ADGRV1: variants seen among roughly 807,000 people sequenced by gnomAD.
ADGRV1 encodes G-protein coupled receptor 98.
Under a neutral mutation model 596.2 loss-of-function variants are expected in ADGRV1, and 359 were observed. The observed-to-expected ratio is 0.60, with a 90% confidence interval of 0.55 to 0.66. The LOEUF is 0.66. ADGRV1 is among the 30% of genes least tolerant of loss of function. The pLI, the probability that ADGRV1 is intolerant of heterozygous loss-of-function variation, is 0.00. For missense variants in ADGRV1, 7,274 were observed against 7,575.6 expected (o/e 0.96, Z 1.48); for synonymous variants, 2,681 against 2,679.2 (o/e 1.00, Z -0.02).
intron 88 of ADGRV1, among the ~76,000 whole-genome samples, chr5:91,152,641 G>GTTTTA (rs925698142): frequency 6.6e-6 from 1 of 152,080 alleles, no homozygotes; most frequent in African/African-American, 2.4e-5. Flanking sequence ...AATTAAAGTT[G>GTTTTA]TTTTATTTTG....
At chr5:91,056,155 G>A (rs1454733400) in intron 85 of ADGRV1, among the ~76,000 whole-genome samples, 1 of 152,158 alleles carries the variant, frequency 6.6e-6, no homozygotes, top group East Asian at 1.9e-4. Context: ...ACGTGTGGTT[G>A]GGCATTGTTG....
At chr5:91,077,304 C>T (rs186255286) in intron 86 of ADGRV1, among the ~76,000 whole-genome samples, 2 of 152,278 alleles carry the variant, frequency 1.3e-5, no homozygotes, top group East Asian at 3.9e-4. Flanking sequence ...GGCTCAAAAT[C>T]TTCCATGATT....
At chr5:91,116,045 T>G in intron 87 of ADGRV1, among the ~76,000 whole-genome samples, 1 of 152,290 alleles carries the variant, frequency 6.6e-6, no homozygotes, top group East Asian at 1.9e-4. Context: ...GAAACAGATC[T>G]GCCTTCTCAG....
rs72782773 is a variant in ADGRV1 at position 90,755,751 on chromosome 5, T to C, written c.11580+566T>C. 6.5e-3 allele frequency among the ~76,000 whole-genome samples: 970 copies of C among 150,168 alleles called. 1 individual carries two copies. The highest frequency in any genetic ancestry group is 0.025 in the Middle Eastern group (7 of 280). On this transcript the variant is annotated intron_variant, in intron 55 of 89. Transcript: ENST00000405460. ...AAGAAATTTTAATAGTGGATTAGTG[T>C]TAATAATATTATAAAATAATAACAA...
chr5:91,019,839 C>T (rs770493248), intron 85 of ADGRV1, among the ~76,000 whole-genome samples: 36 of 151,950 alleles, frequency 2.4e-4, no homozygotes, highest in Admixed American at 1.3e-4. Context: ...ATATGTAGAG[C>T]GAAATCTAAT....
intron 87 of ADGRV1, among the ~76,000 whole-genome samples, chr5:91,126,488 AAAT>A (rs1793767527): frequency 6.6e-6 from 1 of 152,198 alleles, no homozygotes; most frequent in African/African-American, 2.4e-5. Context: ...GCTTTGCCTC[AAAT>A]AATAGACTTA....
At chr5:90,579,938 C>CT (rs952289734) in intron 1 of ADGRV1, among the ~76,000 whole-genome samples, 12 of 150,878 alleles carry the variant, frequency 8.0e-5, no homozygotes, top group East Asian at 1.9e-4. Context: ...GCAACCCCTG[C>CT]TTTTTTTTTG....
chr5:90,596,188 G>A (rs1223506312), intron 1 of ADGRV1, among the ~76,000 whole-genome samples: 15 of 148,020 alleles, frequency 1.0e-4, no homozygotes, highest in Admixed American at 3.3e-4. Flanking sequence ...CATCCCAGAC[G>A]ATGGGCGGCC....
chr5:90,830,998 G>A (rs955501983), intron 77 of ADGRV1, among the ~76,000 whole-genome samples: 3 of 151,986 alleles, frequency 2.0e-5, no homozygotes, highest in African/African-American at 4.8e-5. Flanking sequence ...TCCGGTCTCT[G>A]GACTCAAAAT....
At chr5:90,684,778 A>C (rs1233351509) in intron 28 of ADGRV1, among the ~76,000 whole-genome samples, 2 of 152,160 alleles carry the variant, frequency 1.3e-5, no homozygotes. Flanking sequence ...ATTTAAATGT[A>C]TGAATTTTGA....
Position 90,685,823 on chromosome 5 carries a change from G to T in ADGRV1, c.6318G>T (p.Ala2106=), listed in dbSNP as rs190981860. 3.7e-6 allele frequency: 6 copies of T among 1,611,032 alleles called. No homozygotes were observed. Among genetic ancestry groups the T allele is most frequent in the African/African-American group, 1.3e-5 (1 of 74,798 alleles). ...TTGGGCCTAAGGTAGAAACTATTGC[G>T]CAACTAATTATCATTGCCAATGATG... ...PRLGPKVETI[A]QLIIIANDDA... Residue 2106 remains alanine, a synonymous_variant, in exon 29 of 90, where the codon GCG becomes GCT. Transcript: ENST00000405460.
At chr5:90,991,338 A>G (rs1452065454) in intron 85 of ADGRV1, among the ~76,000 whole-genome samples, 1 of 152,250 alleles carries the variant, frequency 6.6e-6, no homozygotes, top group Non-Finnish European at 1.5e-5. Flanking sequence ...ACTATATACA[A>G]AGGCTTAAGT....
chr5:91,091,059 C>T (rs555606244), intron 86 of ADGRV1, among the ~76,000 whole-genome samples: 1 of 152,186 alleles, frequency 6.6e-6, no homozygotes, highest in East Asian at 1.9e-4. Flanking sequence ...GTAAATTTGA[C>T]TTCTCAATGG....
intron 87 of ADGRV1, among the ~76,000 whole-genome samples, chr5:91,147,039 C>T (rs1200139172): frequency 2.0e-5 from 3 of 152,156 alleles, no homozygotes; most frequent in South Asian, 2.1e-4. Flanking sequence ...TGGTGAAACA[C>T]GCCTGTGGTA....
intron 24 of ADGRV1, among the ~76,000 whole-genome samples, chr5:90,675,718 T>C (rs1245577274): frequency 2.0e-5 from 3 of 151,798 alleles, no homozygotes; most frequent in African/African-American, 7.3e-5. Context: ...AGCCTACGAG[T>C]TCAAGGCTAT....
At chr5:90,885,203 C>T (rs753896630) in intron 83 of ADGRV1, among the ~76,000 whole-genome samples, 1 of 152,166 alleles carries the variant, frequency 6.6e-6, no homozygotes, top group Non-Finnish European at 1.5e-5. Flanking sequence ...AAGACAGACT[C>T]ATAGATGTAC....
rs1001775387 is a variant in ADGRV1 at position 90,920,384 on chromosome 5, C to T, written c.17857-45031C>T. ...GTTTCAACATATGAATTCGGGGAGA[C>T]GCAAATATTAGAACATAACAAATAC... is the stretch of plus-strand genomic sequence containing the variant. On this transcript the variant is annotated intron_variant, in intron 83 of 89. Transcript: ENST00000405460. 9.2e-5 allele frequency among the ~76,000 whole-genome samples: 14 copies of T among 152,152 alleles called. No individual in the cohort carries two copies. The South Asian group carries it at 1.0e-3, about 11-fold the overall frequency.
chr5:91,128,794 T>C (rs924239865), intron 87 of ADGRV1, among the ~76,000 whole-genome samples: 2 of 152,218 alleles, frequency 1.3e-5, no homozygotes, highest in African/African-American at 2.4e-5. Flanking sequence ...AGCACTTGAA[T>C]CATCATCATT....
chr5:90,558,986 C>G, intron 1 of ADGRV1, 69 bp downstream of exon 1: 4 of 1,379,814 alleles, frequency 2.9e-6, no homozygotes, highest in Non-Finnish European at 3.9e-6. Context: ...AGCATCAGCA[C>G]CTGTTGCTGC....
Sources: allele counts gnomAD v4.1 joint callset (sites outside exome capture counted in the v4.1 genomes callset), GRCh38; gene constraint gnomAD v4.1.1; transcripts MANE v1.5; gene names NCBI Gene and HGNC (gene_info 2026-07-23, HGNC 2026-07-21).